Variants in OTOGL observed in about 807,000 individuals in gnomAD.
The protein encoded by OTOGL is otogelin like, also known as otogelin-like protein.
OTOGL carries 285 observed loss-of-function variants against 318.5 expected under a neutral mutation model. That is an observed-to-expected ratio of 0.89 (90% CI 0.81 to 0.99). The LOEUF (loss-of-function observed/expected upper bound fraction) is 0.99. Ranked by LOEUF, OTOGL falls within the 50% of genes least tolerant of loss-of-function variation. OTOGL has a pLI of 0.00. For synonymous variants in OTOGL, 987 were observed against 936.5 expected (o/e 1.05, Z -0.99); for missense variants, 2,899 against 2,845.6 (o/e 1.02, Z -0.43).
At chr12:80,251,485 T>C (rs968063063) in intron 11 of OTOGL, among the ~76,000 whole-genome samples, 37 of 152,232 alleles carry the variant, frequency 2.4e-4, no homozygotes, top group African/African-American at 8.7e-4. Flanking sequence ...AGATTATTTA[T>C]CTAGGCCTAA....
chr12:80,220,984 G>A lies in OTOGL; in HGVS notation c.334+1072G>A, dbSNP rs568586850. ...TGTCCAAGGCTAATAAATTTAGGTG[G>A]GAATCACAAAAATACAAGATGTAAA... On this transcript the variant is annotated intron_variant, in intron 6 of 58. Coordinates refer to ENST00000547103, the MANE Select transcript of OTOGL (RefSeq NM_001378609.3). Among the ~76,000 whole-genome samples the A allele has an allele frequency of 1.5e-3, 235 of 152,120 alleles. 1 individual carries two copies. The highest frequency in any genetic ancestry group is 5.5e-3 in the African/African-American group (229 of 41,480).
chr12:80,201,273 C>T (rs929306458), intron 1 of OTOGL, among the ~76,000 whole-genome samples: 2 of 152,106 alleles, frequency 1.3e-5, no homozygotes, highest in African/African-American at 4.8e-5. Flanking sequence ...AGAAAAGAGG[C>T]TTATTTCGCT....
intron 22 of OTOGL, 81 bp downstream of exon 22, chr12:80,267,408 T>TATA (rs200045835): frequency 1.6e-5 from 8 of 487,866 alleles, no homozygotes; most frequent in East Asian, 1.7e-4. Context: ...TATATATATA[T>TATA]TTTTTTATTA....
At chr12:80,230,169 T>C (rs1249560450) in intron 8 of OTOGL, among the ~76,000 whole-genome samples, 2 of 152,148 alleles carry the variant, frequency 1.3e-5, no homozygotes, top group Non-Finnish European at 2.9e-5. Flanking sequence ...GTTTGAACCA[T>C]AGGAATTCTT....
At chr12:80,187,283 G>A (rs1217481805) in intron 1 of OTOGL, among the ~76,000 whole-genome samples, 2 of 150,958 alleles carry the variant, frequency 1.3e-5, no homozygotes, top group Non-Finnish European at 1.5e-5. Flanking sequence ...TTTTTATACC[G>A]ATACTTAGTA....
intron 56 of OTOGL, among the ~76,000 whole-genome samples, chr12:80,371,694 A>G (rs1890883471): frequency 6.6e-6 from 1 of 152,200 alleles, no homozygotes. Context: ...TTGAAAATAT[A>G]TAATGGTCAT....
intron 38 of OTOGL, among the ~76,000 whole-genome samples, chr12:80,335,704 C>T (rs1483157754): frequency 6.6e-6 from 1 of 152,010 alleles, no homozygotes; most frequent in Non-Finnish European, 1.5e-5. Flanking sequence ...CAGGAGAACA[C>T]TGTTTTCTTC....
Position 80,324,061 on chromosome 12 carries a change from C to A in OTOGL, c.4199+221C>A, listed in dbSNP as rs554574824. Among the ~76,000 whole-genome samples the A allele has an allele frequency of 3.9e-4, 60 of 152,280 alleles. No individual in the cohort carries two copies. In the East Asian group the frequency reaches 4.6e-3, roughly 12 times the overall value. ...GGGAGACAGTACTGAACAAAATAGACAAGTACTTGCCCTCATGAAGCTTAC... is the reference window on the plus strand; with the variant it reads ...GGGAGACAGTACTGAACAAAATAGAAAAGTACTTGCCCTCATGAAGCTTAC... On this transcript the variant is annotated intron_variant, in intron 35 of 58. Transcript: ENST00000547103.
chr12:80,291,943 A>C (rs924400871), intron 26 of OTOGL, among the ~76,000 whole-genome samples: 2 of 152,190 alleles, frequency 1.3e-5, no homozygotes, highest in Admixed American at 6.5e-5. Flanking sequence ...CTCAAAAGAA[A>C]GAAATATTTT....
intron 1 of OTOGL, among the ~76,000 whole-genome samples, chr12:80,192,140 A>G (rs1875739675): frequency 1.3e-5 from 2 of 152,006 alleles, no homozygotes; most frequent in African/African-American, 2.4e-5. Flanking sequence ...TTGTTTTGTC[A>G]CTCTTGAATA....
chr12:80,316,349 A>G (rs534940890), intron 32 of OTOGL, among the ~76,000 whole-genome samples: 1 of 152,204 alleles, frequency 6.6e-6, no homozygotes, highest in South Asian at 2.1e-4. Context: ...TGTTATGACA[A>G]TCTCCATCTG....
chr12:80,314,382 T>G (rs1886843259), intron 32 of OTOGL, 51 bp downstream of exon 32: 2 of 776,648 alleles, frequency 2.6e-6, no homozygotes, highest in South Asian at 1.1e-4. Context: ...ATTAGGTGTA[T>G]TTTCATATTA....
intron 4 of OTOGL, among the ~76,000 whole-genome samples, chr12:80,215,476 A>G (rs1320696181): frequency 2.0e-5 from 3 of 151,986 alleles, no homozygotes; most frequent in Non-Finnish European, 4.4e-5. Flanking sequence ...CTGCATGTTT[A>G]CAACTCTTAT....
intron 32 of OTOGL, 139 bp from the exon 33 acceptor site, chr12:80,318,407 T>G (rs1887106660): frequency 2.4e-5 from 12 of 503,922 alleles, no homozygotes; most frequent in South Asian, 1.7e-4. Flanking sequence ...TTTTGAAGAA[T>G]TCAGTTATTT....
At chr12:80,303,134 A>C (rs542036558) in intron 28 of OTOGL, among the ~76,000 whole-genome samples, 1 of 152,278 alleles carries the variant, frequency 6.6e-6, no homozygotes, top group Admixed American at 6.5e-5. Flanking sequence ...ATATATTTTT[A>C]AGTTTACATG....
intron 1 of OTOGL, among the ~76,000 whole-genome samples, chr12:80,184,047 A>T (rs554756209): frequency 6.6e-6 from 1 of 152,294 alleles, no homozygotes; most frequent in South Asian, 2.1e-4. Flanking sequence ...TAGTTATGGT[A>T]CTTGAGACTA....
At position 80,317,075 on chromosome 12, in the gene OTOGL, G is replaced by T. The variant is rs78402728; in HGVS notation, c.3635-1471G>T. Among the ~76,000 whole-genome samples, 1,020 of 152,204 alleles carry T rather than the reference G, an allele frequency of 6.7e-3. 5 individuals carry two copies. The highest frequency in any genetic ancestry group is 8.4e-3 in the Non-Finnish European group (572 of 67,992). Reference sequence around the variant, plus strand: ...CACAATGATTCTATATAATATGTTTGTGTTCATTTATATGACTTTTACTAA... The same window carrying T: ...CACAATGATTCTATATAATATGTTTTTGTTCATTTATATGACTTTTACTAA... On this transcript the variant is annotated intron_variant, in intron 32 of 58. Coordinates refer to ENST00000547103, the MANE Select transcript of OTOGL (RefSeq NM_001378609.3).
rs1293726360 is a variant in OTOGL at position 80,371,864 on chromosome 12, G to A, written c.6736-155G>A. Among the ~76,000 whole-genome samples the A allele has an allele frequency of 4.7e-5, 7 of 149,476 alleles. No homozygotes were observed. In the Admixed American group the frequency reaches 4.7e-4, roughly 10 times the overall value. ...TATCTACTCCAGATTTTAAAAACAA[G>A]TTCTTTTTAGTAATAGTTAAATTCC... On this transcript the variant is annotated intron_variant, in intron 56 of 58. Coordinates refer to ENST00000547103, the MANE Select transcript of OTOGL (RefSeq NM_001378609.3).
chr12:80,367,725 A>G lies in OTOGL; in HGVS notation c.6496A>G (p.Lys2166Glu). ...GAATTTTACACTGGTGAATTGTTCA[A>G]AAAAATGTGATGTTGTAAGTATTCC... ...TLNFTLVNCS[K>E]KCDVHQVYTP... The change falls in exon 54 of 59, where the codon AAA (lysine) becomes GAA (glutamate). Residue 2166 changes from lysine (K) to glutamate (E), a missense_variant. Physicochemically the swap from Lys to Glu is moderately conservative, Grantham distance 56. This residue lies in a region of OTOGL where 289 missense variants were observed against 304.6 expected (regional missense o/e 0.95). Transcript: ENST00000547103. The G allele has an allele frequency of 1.4e-6, 2 of 1,415,192 alleles. No individual in the cohort carries two copies. Among genetic ancestry groups the G allele is most frequent in the Non-Finnish European group, 1.9e-6 (2 of 1,074,872 alleles). The allele number at this position is 1,415,192 out of a possible 1,614,324, so 87.7% of individuals were successfully genotyped here. A position where few individuals can be genotyped will look rare whatever the true frequency, so the allele number is the denominator to read the frequency against.
Sources: allele counts gnomAD v4.1 joint callset (sites outside exome capture counted in the v4.1 genomes callset), GRCh38; gene constraint gnomAD v4.1.1; regional missense constraint gnomAD v4.1.1; transcripts MANE v1.5; gene names NCBI Gene and HGNC (gene_info 2026-07-23, HGNC 2026-07-21).